RBFOX1: variants seen among roughly 807,000 people sequenced by gnomAD.
RBFOX1 encodes the protein RNA binding fox-1 homolog 1.
RBFOX1 carries 8 observed loss-of-function variants against 57.7 expected under a neutral mutation model. The observed-to-expected ratio is 0.14, with a 90% confidence interval of 0.08 to 0.25. The LOEUF (loss-of-function observed/expected upper bound fraction) is 0.25, where lower values mean the gene tolerates loss of function less well. Among genes scored for constraint, RBFOX1 ranks in the 10% least tolerant of loss-of-function variants. The pLI is 1.00. For synonymous variants in RBFOX1, 326 were observed against 222.4 expected, an observed-to-expected ratio of 1.47 and a Z score of -4.15; for missense variants, 611 against 548.5, an observed-to-expected ratio of 1.11 and a Z score of -1.14.
intron 3 of RBFOX1, among the ~76,000 whole-genome samples, chr16:7,049,007 T>C (rs1277033526): frequency 1.3e-5 from 2 of 152,196 alleles, no homozygotes. Flanking sequence ...GTCTATTCCT[T>C]AGTTCAATTC....
At chr16:7,047,716 C>CTT (rs55636828) in intron 3 of RBFOX1, among the ~76,000 whole-genome samples, 16 of 47,920 alleles carry the variant, frequency 3.3e-4, no homozygotes, top group East Asian at 4.1e-4. Context: ...TCCTGCATTT[C>CTT]TTTTTTTTTT....
chr16:6,614,411 T>C (rs2098114875), intron 2 of RBFOX1, among the ~76,000 whole-genome samples: 1 of 152,146 alleles, frequency 6.6e-6, no homozygotes, highest in African/African-American at 2.4e-5. Context: ...AGAAAGAAGA[T>C]GGTTATTAAA....
At chr16:5,626,293 C>T (rs1245393700) in intron 3 of RBFOX1, among the ~76,000 whole-genome samples, 1 of 152,292 alleles carries the variant, frequency 6.6e-6, no homozygotes. Flanking sequence ...TCTGCAGCCT[C>T]CCTCCTTGGC....
upstream of RBFOX1, among the ~76,000 whole-genome samples, chr16:6,018,035 G>A (rs931375969): frequency 6.6e-6 from 1 of 152,192 alleles, no homozygotes; most frequent in Non-Finnish European, 1.5e-5. Context: ...AAATGAGGTA[G>A]ACTGCCTGGG....
At chr16:5,920,091 A>G (rs12448587) in intron 4 of RBFOX1, among the ~76,000 whole-genome samples, 25,342 of 151,910 alleles carry the variant, frequency 0.17, 3,004 homozygotes, top group African/African-American at 0.34. Flanking sequence ...CCGCCACCAC[A>G]CCCAGCTAAT....
intron 1 of RBFOX1, among the ~76,000 whole-genome samples, chr16:5,358,711 C>A (rs1191324535): frequency 6.6e-6 from 1 of 152,162 alleles, no homozygotes; most frequent in East Asian, 1.9e-4. Context: ...CCTATAATCC[C>A]AGCTACTGGG....
chr16:5,296,580 T>G (rs2063674405), intron 1 of RBFOX1, among the ~76,000 whole-genome samples: 3 of 151,918 alleles, frequency 2.0e-5, no homozygotes, highest in Non-Finnish European at 2.9e-5. Flanking sequence ...AAATTTTTTT[T>G]TAACAATAGA....
intron 4 of RBFOX1, among the ~76,000 whole-genome samples, chr16:7,202,815 G>T (rs546934971): frequency 6.6e-6 from 1 of 152,136 alleles, no homozygotes. Context: ...CCCCACCCTG[G>T]CCATTAGTTT....
At chr16:6,051,113 A>G (rs1399861885) in intron 1 of RBFOX1, among the ~76,000 whole-genome samples, 1 of 151,068 alleles carries the variant, frequency 6.6e-6, no homozygotes, top group Non-Finnish European at 1.5e-5. Context: ...GTTTTTTCCC[A>G]TTAAAAGTGG....
chr16:7,415,029 A>C (rs2098465092), intron 4 of RBFOX1, among the ~76,000 whole-genome samples: 1 of 152,260 alleles, frequency 6.6e-6, no homozygotes, highest in Admixed American at 6.5e-5. Flanking sequence ...ATGGCCAAAG[A>C]TGGCTCTTTC....
At chr16:5,288,349 TG>T (rs1306542719) in intron 1 of RBFOX1, among the ~76,000 whole-genome samples, 1 of 152,080 alleles carries the variant, frequency 6.6e-6, no homozygotes, top group African/African-American at 2.4e-5. Flanking sequence ...GCTGTGTCTA[TG>T]TTGGGGGCAC....
intron 1 of RBFOX1, among the ~76,000 whole-genome samples, chr16:6,175,651 G>A (rs961885223): frequency 6.6e-6 from 1 of 152,130 alleles, no homozygotes; most frequent in South Asian, 2.1e-4. Context: ...GTGCATATAG[G>A]GATCTGAGTA....
At position 7,437,883 on chromosome 16, in the gene RBFOX1, T is replaced by C. The variant is rs114256962; in HGVS notation, c.28-80264T>C. Among the ~76,000 whole-genome samples, 740 of 148,690 alleles carry C rather than the reference T, an allele frequency of 5.0e-3. 8 individuals are homozygous for C. The highest frequency in any genetic ancestry group is 0.018 in the African/African-American group (711 of 40,014). On this transcript the variant is annotated intron_variant, in intron 4 of 15. Coordinates refer to ENST00000550418, the MANE Select transcript of RBFOX1 (RefSeq NM_018723.4). ...CAAAGTCAGAAAAAAAAAATGAATATAGGGTCATATTAGACAAATTGCTTA... is the reference window on the plus strand; with the variant it reads ...CAAAGTCAGAAAAAAAAAATGAATACAGGGTCATATTAGACAAATTGCTTA...
At chr16:7,047,684 G>T (rs898692318) in intron 3 of RBFOX1, among the ~76,000 whole-genome samples, 1 of 82,024 alleles carries the variant, frequency 1.2e-5, no homozygotes, top group African/African-American at 4.2e-5. Context: ...AATATTGTAC[G>T]TTTTGATATT....
intron 4 of RBFOX1, among the ~76,000 whole-genome samples, chr16:7,350,883 T>A (rs1487852277): frequency 6.6e-6 from 1 of 152,160 alleles, no homozygotes; most frequent in Non-Finnish European, 1.5e-5. Context: ...GACTGTAGTA[T>A]GTGTGTTTAA....
At chr16:6,390,920 G>A (rs2092569020) in intron 2 of RBFOX1, among the ~76,000 whole-genome samples, 1 of 152,070 alleles carries the variant, frequency 6.6e-6, no homozygotes. Flanking sequence ...TGTGGGGCCG[G>A]GTTTCTCAAC....
Position 5,733,644 on chromosome 16 carries a change from C to G in RBFOX1, c.319-133659C>G, listed in dbSNP as rs142052330. On this transcript the variant is annotated intron_variant, in intron 3 of 19. Coordinates refer to the RBFOX1 transcript ENST00000641259. ...TCATGATGTTACTCTTGTCCACTTG[C>G]AGAGAGCTTTCCCAAACACCCTTGT... is the stretch of plus-strand genomic sequence containing the variant. Among the ~76,000 whole-genome samples the G allele has an allele frequency of 7.2e-5, 11 of 152,266 alleles. No individual in the cohort carries two copies. In the East Asian group the frequency reaches 2.1e-3, roughly 29 times the overall value.
chr16:6,200,975 A>C (rs1016266845), intron 1 of RBFOX1, among the ~76,000 whole-genome samples: 1 of 150,230 alleles, frequency 6.7e-6, no homozygotes, highest in Non-Finnish European at 1.5e-5. Context: ...GAAATCGAGC[A>C]TGAGCAAATG....
chr16:6,302,228 A>G (rs2078902969), intron 1 of RBFOX1, among the ~76,000 whole-genome samples: 1 of 151,874 alleles, frequency 6.6e-6, no homozygotes, highest in Non-Finnish European at 1.5e-5. Flanking sequence ...TGGCCCCTGA[A>G]CATTTCGCAA....
Sources: allele counts gnomAD v4.1 joint callset (sites outside exome capture counted in the v4.1 genomes callset), GRCh38; gene constraint gnomAD v4.1.1; transcripts MANE v1.5; gene names NCBI Gene and HGNC (gene_info 2026-07-23, HGNC 2026-07-21).